The following EXPH5 variants were observed in gnomAD, a reference collection of about 807,000 sequenced individuals.
The protein encoded by EXPH5 is exophilin 5, also known as exophilin-5.
Under a neutral mutation model 41.1 loss-of-function variants are expected in EXPH5, and 42 were observed. That is an observed-to-expected ratio of 1.02 (90% CI 0.80 to 1.32). The LOEUF is 1.32. EXPH5 is among the 40% of genes most tolerant of loss of function. EXPH5 has a pLI of 0.00. For synonymous variants in EXPH5, 798 were observed against 833.5 expected (o/e 0.96, Z 0.73); for missense variants, 2,298 against 2,314.5 (o/e 0.99, Z 0.15).
chr11:108,564,348 T>G (rs972309509), intron 1 of EXPH5, among the ~76,000 whole-genome samples: 31 of 152,168 alleles, frequency 2.0e-4, no homozygotes, highest in Admixed American at 2.0e-3. Context: ...TCTTGTTATA[T>G]TCCATGATTC....
chr11:108,573,552 G>C (rs143244547), intron 1 of EXPH5, among the ~76,000 whole-genome samples: 1 of 152,036 alleles, frequency 6.6e-6, no homozygotes, highest in Non-Finnish European at 1.5e-5. Context: ...ATAGCATTTC[G>C]CCTCATCAAC....
intron 1 of EXPH5, among the ~76,000 whole-genome samples, chr11:108,588,197 G>T (rs1486902931): frequency 6.6e-6 from 1 of 152,158 alleles, no homozygotes; most frequent in East Asian, 1.9e-4. Context: ...TAACATAAAT[G>T]GTTGCCAGCA....
the EXPH5 span, among the ~76,000 whole-genome samples, chr11:108,599,632 T>C: frequency 2.7e-4 from 41 of 152,324 alleles, no homozygotes; most frequent in Middle Eastern, 3.4e-3. Context: ...TTCTGGCATT[T>C]TATAGTATTC....
At chr11:108,600,592 T>C in the EXPH5 span, among the ~76,000 whole-genome samples, 1 of 152,224 alleles carries the variant, frequency 6.6e-6, no homozygotes, top group South Asian at 2.1e-4. Context: ...CCTACTAGTG[T>C]CTGGGTGGAA....
intron 1 of EXPH5, among the ~76,000 whole-genome samples, chr11:108,547,428 T>C (rs1003334000): frequency 1.3e-5 from 2 of 152,006 alleles, no homozygotes; most frequent in Non-Finnish European, 2.9e-5. Flanking sequence ...TTGCCCAGGC[T>C]GGTCTCTCAC....
At chr11:108,553,470 A>G (rs1390100689) in intron 1 of EXPH5, among the ~76,000 whole-genome samples, 2 of 152,126 alleles carry the variant, frequency 1.3e-5, no homozygotes, top group Non-Finnish European at 2.9e-5. Context: ...GTAGCTCATC[A>G]GAGCTCTTCT....
intron 3 of EXPH5, among the ~76,000 whole-genome samples, chr11:108,534,066 A>G (rs1241246165): frequency 6.6e-6 from 1 of 152,188 alleles, no homozygotes; most frequent in East Asian, 1.9e-4. Flanking sequence ...AAGTGTTGAG[A>G]TTACAGGCGG....
At chr11:108,517,627 T>TA (rs746092326) in intron 5 of EXPH5, among the ~76,000 whole-genome samples, 13 of 152,244 alleles carry the variant, frequency 8.5e-5, no homozygotes, top group Non-Finnish European at 1.9e-4. Context: ...TCTCAGTTTT[T>TA]ATCATCATAC....
chr11:108,519,312 C>T (rs1202761477), intron 4 of EXPH5, among the ~76,000 whole-genome samples: 6 of 152,056 alleles, frequency 3.9e-5, no homozygotes, highest in Non-Finnish European at 7.4e-5. Context: ...AGTGGGGGTT[C>T]CTTGCAGAGA....
rs761228657 is a variant in EXPH5, at chr11:108,509,658, A to C, written c.5849T>G (p.Leu1950Ter). The change falls in exon 6 of 6, where the codon TTA becomes TGA. Residue 1950 changes from leucine (L) to a stop codon, truncating the protein, a stop_gained. Coordinates refer to ENST00000265843, the MANE Select transcript of EXPH5 (RefSeq NM_015065.3). LOFTEE classifies it high-confidence loss of function. Reference protein sequence around the residue: ...SPSSQVPEDGLSPSEPLNIYE... With the variant: ...SPSSQVPEDG ...GATATTAAGCGGTTCACTTGGAGAT[A>C]AGCCATCTTCTGGCACCTGACTACT... 7 of 1,614,044 alleles carry C rather than the reference A, an allele frequency of 4.3e-6. No homozygotes were observed. The highest frequency in any genetic ancestry group is 5.1e-6 in the Non-Finnish European group (6 of 1,179,960).
chr11:108,505,616 G>A lies in EXPH5; in HGVS notation c.*3921C>T. On this transcript the variant is annotated 3_prime_UTR_variant, in exon 6 of 6. Transcript: ENST00000265843. ...TATACAGAACTGCCAGTCACAAAGA[G>A]CCACTAAGTGGCAATACAGCCACAA... 6.6e-6 allele frequency: 1 copy of A among 152,120 alleles called. No individual in the cohort carries two copies. Among genetic ancestry groups the A allele is most frequent in the East Asian group, 1.9e-4 (1 of 5,194 alleles). 9.4% of individuals were successfully genotyped at this position (152,120 alleles called of 1,614,324 possible).
chr11:108,607,008 A>G, the EXPH5 span, among the ~76,000 whole-genome samples: 2 of 152,224 alleles, frequency 1.3e-5, no homozygotes, highest in African/African-American at 4.8e-5. Flanking sequence ...TAGGAGGTCT[A>G]AAAATCTCTG....
At position 108,509,799 on chromosome 11, in the gene EXPH5, C is replaced by T. The variant is rs2093664386; in HGVS notation, c.5708G>A (p.Arg1903Lys). The change falls in exon 6 of 6, where the codon AGG (arginine) becomes AAG (lysine). Residue 1903 changes from arginine (R) to lysine (K), a missense_variant. Coordinates refer to ENST00000265843, the MANE Select transcript of EXPH5 (RefSeq NM_015065.3). The stretch of plus-strand genomic sequence containing the variant: ...CCATAATCTTCCTTGTGTAAGTGAC[C>T]TCTTTACATTTTCTAAGAAAGCTAA... ...QQLAFLENVK[R>K]SLTQGRLWKP... is the part of the protein sequence containing the mutation. The T allele has an allele frequency of 6.2e-7, 1 of 1,613,214 alleles. No homozygotes were observed. Among genetic ancestry groups the T allele is most frequent in the Non-Finnish European group, 8.5e-7 (1 of 1,179,752 alleles).
At chr11:108,525,021 G>A (rs970317780) in intron 4 of EXPH5, among the ~76,000 whole-genome samples, 1 of 152,134 alleles carries the variant, frequency 6.6e-6, no homozygotes, top group Non-Finnish European at 1.5e-5. Context: ...CCCCCATACT[G>A]TTCTCGTGGT....
intron 1 of EXPH5, among the ~76,000 whole-genome samples, chr11:108,546,436 G>A (rs1170987151): frequency 2.6e-5 from 4 of 152,100 alleles, no homozygotes; most frequent in Non-Finnish European, 5.9e-5. Context: ...AGTGGAAAGT[G>A]TTCAGGGTGA....
At chr11:108,601,018 C>T in the EXPH5 span, among the ~76,000 whole-genome samples, 16 of 152,308 alleles carry the variant, frequency 1.1e-4, no homozygotes, top group Non-Finnish European at 1.8e-4. Flanking sequence ...CATGGATCGG[C>T]AAGAACTGTT....
At chr11:108,570,083 T>C (rs1219432053) in intron 1 of EXPH5, among the ~76,000 whole-genome samples, 1 of 152,010 alleles carries the variant, frequency 6.6e-6, no homozygotes, top group African/African-American at 2.4e-5. Flanking sequence ...GCCAAGAGAG[T>C]AACTAGGGCC....
intron 4 of EXPH5, among the ~76,000 whole-genome samples, chr11:108,523,203 T>A (rs1423293659): frequency 6.6e-6 from 1 of 152,150 alleles, no homozygotes; most frequent in African/African-American, 2.4e-5. Context: ...TGAACAAAAT[T>A]ACTCATTTAT....
intron 3 of EXPH5, among the ~76,000 whole-genome samples, chr11:108,537,262 C>T (rs2093885478): frequency 6.6e-6 from 1 of 152,132 alleles, no homozygotes. Flanking sequence ...AAACGACATG[C>T]TTTTATATTT....
Sources: allele counts gnomAD v4.1 joint callset (sites outside exome capture counted in the v4.1 genomes callset), GRCh38; gene constraint gnomAD v4.1.1; transcripts MANE v1.5; gene names NCBI Gene and HGNC (gene_info 2026-07-23, HGNC 2026-07-21).